The following TSPAN14 variants were observed in gnomAD, a reference collection of about 807,000 sequenced individuals.
TSPAN14 encodes tetraspanin-14.
In TSPAN14, 16 loss-of-function variants were observed where a neutral mutation model predicts 36.6. That is an observed-to-expected ratio of 0.44 (90% CI 0.30 to 0.66). The LOEUF is 0.66. TSPAN14 is among the 30% of genes least tolerant of loss of function. The probability of loss-of-function intolerance (pLI) is 0.12; values close to 1 mark genes in which losing one functional copy is unlikely to be tolerated. For synonymous variants in TSPAN14, 139 were observed against 143.8 expected (o/e 0.97, Z 0.24); for missense variants, 231 against 355.1 (o/e 0.65, Z 2.81).
chr10:80,457,176 A>C (rs1391991354), intron 1 of TSPAN14, among the ~76,000 whole-genome samples: 3 of 151,778 alleles, frequency 2.0e-5, no homozygotes, highest in Non-Finnish European at 4.4e-5. Flanking sequence ...TCTCAATATG[A>C]GCTGGGTTTT....
chr10:80,505,980 T>C (rs974547366), intron 3 of TSPAN14, among the ~76,000 whole-genome samples: 2 of 152,254 alleles, frequency 1.3e-5, no homozygotes, highest in African/African-American at 2.4e-5. Context: ...TGGGATCATT[T>C]ATCCAGCCAA....
At chr10:80,500,914 T>C (rs944264580) in intron 2 of TSPAN14, among the ~76,000 whole-genome samples, 1 of 152,222 alleles carries the variant, frequency 6.6e-6, no homozygotes, top group Non-Finnish European at 1.5e-5. Flanking sequence ...AGGGTGGGGA[T>C]ATGAACTGCT....
At chr10:80,519,493 T>C (rs1263541279) in exon 9 of TSPAN14, 1 of 146,598 alleles carries the variant, frequency 6.8e-6, no homozygotes, top group East Asian at 2.0e-4. Flanking sequence ...GTGTGGTGTA[T>C]ACTGGTGGCT....
intron 7 of TSPAN14, among the ~76,000 whole-genome samples, chr10:80,514,557 G>GACCCCACCCCACTCC (rs1326201240): frequency 6.6e-6 from 1 of 152,092 alleles, no homozygotes; most frequent in East Asian, 1.9e-4. Context: ...AGAGAAGGAA[G>GACCCCACCCCACTCC]ACCCCACCCC....
intron 1 of TSPAN14, among the ~76,000 whole-genome samples, chr10:80,456,066 A>G (rs1165016288): frequency 2.6e-5 from 4 of 152,168 alleles, no homozygotes; most frequent in Non-Finnish European, 5.9e-5. Flanking sequence ...TTAGTTAACA[A>G]AGCATGGTTG....
Position 80,495,490 on chromosome 10 carries a change from T to C in TSPAN14, c.81+6176T>C, listed in dbSNP as rs1404730832. Among the ~76,000 whole-genome samples the C allele has an allele frequency of 2.6e-5, 4 of 152,174 alleles. No homozygotes were observed. In the East Asian group the frequency reaches 7.7e-4, roughly 29 times the overall value. On this transcript the variant is annotated intron_variant, in intron 2 of 8. Transcript: ENST00000429989. ...GTGGCCTGTGGTGCTGATGCCTGCATGGCCTCAGCCCCTGATTTCCCCAAC... is the reference window on the plus strand; with the variant it reads ...GTGGCCTGTGGTGCTGATGCCTGCACGGCCTCAGCCCCTGATTTCCCCAAC...
intron 6 of TSPAN14, among the ~76,000 whole-genome samples, chr10:80,513,509 G>A (rs184334740): frequency 1.1e-3 from 166 of 152,322 alleles, no homozygotes; most frequent in African/African-American, 3.5e-3. Context: ...AGTCTTGTAA[G>A]TGTTGCTTTT....
chr10:80,509,861 C>T lies in TSPAN14; in HGVS notation c.450+390C>T, dbSNP rs998160024. On this transcript the variant is annotated intron_variant, in intron 5 of 8. Transcript: ENST00000429989. The surrounding 1 kb of genome is among the most constrained non-coding windows in gnomAD (Gnocchi z 4.7). Reference sequence around the variant, plus strand: ...CCCCGGCTCATGACTCACCATCTGACGCTATTCCTATCCCCTTCCTCCCCG... The same window carrying T: ...CCCCGGCTCATGACTCACCATCTGATGCTATTCCTATCCCCTTCCTCCCCG... 6 of 173,376 alleles carry T rather than the reference C, an allele frequency of 3.5e-5. No homozygotes were observed. The highest frequency in any genetic ancestry group is 6.2e-5 in the Non-Finnish European group (5 of 80,696). 10.7% of individuals were successfully genotyped at this position (173,376 alleles called of 1,614,324 possible). A position where few individuals can be genotyped will look rare whatever the true frequency, so the allele number is the denominator to read the frequency against.
intron 2 of TSPAN14, among the ~76,000 whole-genome samples, chr10:80,493,476 T>G (rs1307731545): frequency 1.3e-5 from 2 of 152,202 alleles, no homozygotes; most frequent in Non-Finnish European, 2.9e-5. Flanking sequence ...CATAGCAGCA[T>G]TATTTACAGT....
chr10:80,518,098 A>G (rs1419322657), exon 9 of TSPAN14: 2 of 1,050,862 alleles, frequency 1.9e-6, no homozygotes, highest in Non-Finnish European at 1.4e-6. Context: ...CATCTTAAGC[A>G]TCAGCGTGAC....
intron 2 of TSPAN14, 102 bp from the exon 3 acceptor site, chr10:80,504,626 G>C: frequency 7.1e-7 from 1 of 1,407,572 alleles, no homozygotes; most frequent in Non-Finnish European, 1.0e-6. Flanking sequence ...ATGTGAGCTA[G>C]GAGCATGCCC....
chr10:80,489,239 C>G (rs1266304168), exon 2 of TSPAN14: 1 of 1,581,030 alleles, frequency 6.3e-7, no homozygotes. Flanking sequence ...AGAAGATGCA[C>G]TATTATAGAT....
At chr10:80,468,773 A>G (rs185140191) in intron 1 of TSPAN14, 5 of 150,360 alleles carry the variant, frequency 3.3e-5, no homozygotes, top group African/African-American at 4.9e-5. Flanking sequence ...CAGTGGTACA[A>G]TTAAGGCTCA....
intron 2 of TSPAN14, among the ~76,000 whole-genome samples, chr10:80,500,247 T>C (rs1848421875): frequency 6.6e-6 from 1 of 151,658 alleles, no homozygotes; most frequent in Admixed American, 6.6e-5. Flanking sequence ...CAAGTTCCTG[T>C]CTTTCCGGTG....
intron 1 of TSPAN14, 78 bp from the exon 2 acceptor site, chr10:80,489,139 A>G: frequency 1.1e-6 from 1 of 934,780 alleles, no homozygotes; most frequent in South Asian, 1.4e-5. Context: ...AGCTTTCTAG[A>G]ATCCGCATAT....
chr10:80,455,619 C>G (rs1845700360), intron 1 of TSPAN14, among the ~76,000 whole-genome samples: 1 of 152,116 alleles, frequency 6.6e-6, no homozygotes, highest in African/African-American at 2.4e-5. Context: ...AACCTGGGGA[C>G]AGGCCATCGG....
chr10:80,509,625 G>C lies in TSPAN14; in HGVS notation c.450+154G>C. On this transcript the variant is annotated intron_variant, in intron 5 of 8. Transcript: ENST00000429989. This position sits in a 1 kb window ranked among gnomAD's most constrained non-coding sequence, Gnocchi z 4.7. ...CCGTGGAACAAGCCACTCCACCTCT[G>C]GTCTGTTCCACTTTGCCGGCTTGTG... 7.9e-6 allele frequency: 6 copies of C among 761,164 alleles called. No homozygotes were observed. Among genetic ancestry groups the C allele is most frequent in the East Asian group, 2.8e-5 (1 of 36,008 alleles). 47.2% of individuals were successfully genotyped at this position (761,164 alleles called of 1,614,324 possible). A position where few individuals can be genotyped will look rare whatever the true frequency, so the allele number is the denominator to read the frequency against.
chr10:80,518,066 G>A (rs1292160738), exon 9 of TSPAN14: 10 of 1,321,996 alleles, frequency 7.6e-6, no homozygotes, highest in Middle Eastern at 2.4e-4. Flanking sequence ...GAGAGGAGCC[G>A]ACACCCCCAG....
At chr10:80,491,990 C>T (rs1408744351) in intron 2 of TSPAN14, among the ~76,000 whole-genome samples, 1 of 152,144 alleles carries the variant, frequency 6.6e-6, no homozygotes, top group Non-Finnish European at 1.5e-5. Flanking sequence ...GATGGGCGCA[C>T]AGACCTCTGG....
Sources: allele counts gnomAD v4.1 joint callset (sites outside exome capture counted in the v4.1 genomes callset), GRCh38; gene constraint gnomAD v4.1.1; non-coding constraint Gnocchi (gnomAD v3.1); transcripts MANE v1.5; gene names NCBI Gene and HGNC (gene_info 2026-07-23, HGNC 2026-07-21).